Variants in FBN3 observed in about 807,000 individuals in gnomAD.
The protein encoded by FBN3 is fibrillin-3.
A neutral mutation model predicts 330.1 loss-of-function variants in FBN3; 234 were observed. The observed-to-expected ratio is 0.71, with a 90% CI of 0.64 to 0.79. The LOEUF (loss-of-function observed/expected upper bound fraction) is 0.79, where lower values mean the gene tolerates loss of function less well. Ranked by LOEUF, FBN3 falls within the 30% of genes least tolerant of loss-of-function variation. FBN3 has a pLI of 0.00. For synonymous variants in FBN3, 1,458 were observed against 1,517.3 expected, an observed-to-expected ratio of 0.96 and a Z score of 0.91; for missense variants, 3,606 against 3,886.9, an observed-to-expected ratio of 0.93 and a Z score of 1.92.
intron 3 of FBN3, among the ~76,000 whole-genome samples, chr19:8,146,479 G>A (rs911959687): frequency 1.3e-5 from 2 of 152,220 alleles, no homozygotes; most frequent in African/African-American, 4.8e-5. Context: ...TGCTCTTTGG[G>A]CCAGAGCTGC....
Position 8,129,180 on chromosome 19 carries a change from G to T in FBN3, c.2171-27C>A, listed in dbSNP as rs202145437. 2,737 of 1,612,202 alleles carry T rather than the reference G, an allele frequency of 1.7e-3. 7 individuals carry two copies. The highest frequency in any genetic ancestry group is 2.1e-3 in the Non-Finnish European group (2,447 of 1,179,172). ...TGTGGGGTGGGGGTGGGAGAGAGGG[G>T]TGAGGGGTCTGCAGTGGGAGAGGCT... On this transcript the variant is annotated intron_variant, in intron 17 of 63. Coordinates refer to ENST00000600128, the MANE Select transcript of FBN3 (RefSeq NM_032447.5). The surrounding 1 kb of genome is among the most constrained non-coding windows in gnomAD (Gnocchi z 4.5).
chr19:8,114,339 T>C (rs1047897765), intron 30 of FBN3, among the ~76,000 whole-genome samples: 12 of 152,312 alleles, frequency 7.9e-5, no homozygotes, highest in Non-Finnish European at 1.6e-4. Flanking sequence ...AACCTCCGCC[T>C]CCTGGATTCA....
intron 62 of FBN3, 110 bp from the exon 63 acceptor site, chr19:8,072,308 C>G (rs17160134): frequency 1.7e-6 from 2 of 1,170,158 alleles, no homozygotes; most frequent in East Asian, 5.0e-5. Context: ...CAAATGCCCA[C>G]GCACACAAAT....
At chr19:8,116,645 C>T (rs900919860) in intron 29 of FBN3, 29 bp downstream of exon 29, 14 of 1,594,346 alleles carry the variant, frequency 8.8e-6, no homozygotes, top group South Asian at 3.3e-5. Context: ...CTCCTCCACC[C>T]GCCCCGCCCC....
Position 8,121,138 on chromosome 19 carries a change from C to T in FBN3, c.3211+120G>A, listed in dbSNP as rs1022115934. The T allele has an allele frequency of 1.0e-6, 1 of 979,294 alleles. No individual in the cohort carries two copies. Among genetic ancestry groups the T allele is most frequent in the African/African-American group, 1.6e-5 (1 of 60,884 alleles). 60.7% of individuals were successfully genotyped at this position (979,294 alleles called of 1,614,324 possible). ...ACTGTACCTCAGCTAATTTACAGCT[C>T]CTCCCTCCTCCTGCCCCCTCCATCC... On this transcript the variant is annotated intron_variant, in intron 25 of 63. Coordinates refer to ENST00000600128, the MANE Select transcript of FBN3 (RefSeq NM_032447.5). The surrounding 1 kb of genome is among the most constrained non-coding windows in gnomAD (Gnocchi z 4.5).
chr19:8,132,027 C>G (rs996982639), intron 14 of FBN3, among the ~76,000 whole-genome samples, 198 bp from the exon 15 acceptor site: 2 of 152,048 alleles, frequency 1.3e-5, no homozygotes, highest in African/African-American at 4.8e-5. Flanking sequence ...CCCATTATTC[C>G]CCATCTTTCT....
Position 8,109,524 on chromosome 19 carries a change from G to A in FBN3, c.4456+107C>T, listed in dbSNP as rs2082528904. The A allele has an allele frequency of 4.6e-6, 7 of 1,537,978 alleles. No individual in the cohort carries two copies. The Admixed American group carries it at 8.9e-5, about 20-fold the overall frequency. ...AGACCAGCAGATGTCCCGTTTGTCAGGAGCAGGTAGATTTGAACACGTTGA... is the reference window on the plus strand; with the variant it reads ...AGACCAGCAGATGTCCCGTTTGTCAAGAGCAGGTAGATTTGAACACGTTGA... On this transcript the variant is annotated intron_variant, in intron 35 of 63. Coordinates refer to ENST00000600128, the MANE Select transcript of FBN3 (RefSeq NM_032447.5). The surrounding 1 kb of genome is among the most constrained non-coding windows in gnomAD (Gnocchi z 5.2).
chr19:8,069,336 G>C (rs867922237), intron 63 of FBN3, among the ~76,000 whole-genome samples: 1 of 152,274 alleles, frequency 6.6e-6, no homozygotes, highest in Middle Eastern at 3.4e-3. Context: ...GCTACCCCAG[G>C]GCTGGGTGAC....
chr19:8,127,987 C>T (rs918426141), intron 18 of FBN3, among the ~76,000 whole-genome samples: 11 of 151,860 alleles, frequency 7.2e-5, no homozygotes, highest in African/African-American at 2.7e-4. Context: ...GGTGACAGAG[C>T]GAGACTCTGT....
At chr19:8,143,980 A>C in intron 6 of FBN3, among the ~76,000 whole-genome samples, 1 of 151,296 alleles carries the variant, frequency 6.6e-6, no homozygotes, top group East Asian at 1.9e-4. Context: ...CTAATTTTTT[A>C]CTTTTTTTAG....
At chr19:8,106,072 A>G in intron 38 of FBN3, 36 bp downstream of exon 38, 1 of 1,611,186 alleles carries the variant, frequency 6.2e-7, no homozygotes, top group Non-Finnish European at 8.5e-7. Context: ...AGAGAGCGGA[A>G]GAGCCTGACC....
At chr19:8,135,936 G>GGCTCCCCCCCCCC in intron 13 of FBN3, 25 bp downstream of exon 13, 1 of 668,778 alleles carries the variant, frequency 1.5e-6, no homozygotes, top group South Asian at 1.6e-5. Context: ...GGAAGCCCCT[G>GGCTCCCCCCCCCC]CCCACCCGCC....
intron 13 of FBN3, 94 bp downstream of exon 13, chr19:8,135,867 G>C: frequency 7.1e-7 from 1 of 1,399,002 alleles, no homozygotes. Context: ...AGGGAGGGAG[G>C]TGGGTTTGGG....
In FBN3 at chr19:8,141,939, C is replaced by T. The variant is rs905449336; in HGVS notation, c.739+1G>A. 4 of 1,614,054 alleles carry T rather than the reference C, an allele frequency of 2.5e-6. No homozygotes were observed. Among genetic ancestry groups the T allele is most frequent in the Non-Finnish European group, 3.4e-6 (4 of 1,180,008 alleles). ...CACTCAGCCCTGACCCCACTATTCA[C>T]CTTGGCAGGCCCCCGTGTGGATATT... is the stretch of plus-strand genomic sequence containing the variant. On this transcript the variant is annotated splice_donor_variant, in intron 7 of 63. Transcript: ENST00000600128. LOFTEE classifies it high-confidence loss of function.
At chr19:8,108,828 C>A (rs1178449382) in intron 36 of FBN3, among the ~76,000 whole-genome samples, 1 of 152,124 alleles carries the variant, frequency 6.6e-6, no homozygotes, top group Admixed American at 6.5e-5. Context: ...TATGGGTATG[C>A]CTCAAAGAAA....
intron 38 of FBN3, among the ~76,000 whole-genome samples, chr19:8,104,488 A>T (rs63144361): frequency 1.4e-5 from 2 of 145,234 alleles, no homozygotes; most frequent in East Asian, 2.0e-4. Flanking sequence ...AAAAAAAAAA[A>T]TTCCTAAAAA....
At chr19:8,136,158 C>T (rs771314903) in intron 12 of FBN3, 32 bp downstream of exon 12, 1 of 1,613,550 alleles carries the variant, frequency 6.2e-7, no homozygotes, top group East Asian at 2.2e-5. Context: ...CCCCCAACAA[C>T]ATCACCCCTA....
chr19:8,145,842 C>T lies in FBN3; in HGVS notation c.445+1G>A, dbSNP rs143451923. 78 of 1,550,094 alleles carry T rather than the reference C, an allele frequency of 5.0e-5. No homozygotes were observed. The highest frequency in any genetic ancestry group is 1.7e-4 in the Middle Eastern group (1 of 6,010). On this transcript the variant is annotated splice_donor_variant, in intron 5 of 63. Transcript: ENST00000600128. LOFTEE classifies it high-confidence loss of function. ...GAGGGGAGTCCCATGGGGATACTCACGCTGCCCACACACGGTGCCTGTGTA... is the reference window on the plus strand; with the variant it reads ...GAGGGGAGTCCCATGGGGATACTCATGCTGCCCACACACGGTGCCTGTGTA...
chr19:8,123,761 C>A (rs762906800), intron 23 of FBN3, 23 bp downstream of exon 23: 1 of 1,611,486 alleles, frequency 6.2e-7, no homozygotes, highest in South Asian at 1.1e-5. Context: ...CTTCCAGGGG[C>A]CTGACCCCTT....
Sources: gnomAD v4.1 joint callset for allele counts (sites outside exome capture counted in the v4.1 genomes callset) on GRCh38, gnomAD v4.1.1 for gene constraint, Gnocchi (gnomAD v3.1) non-coding constraint, MANE v1.5 for transcripts, NCBI Gene and HGNC (gene_info 2026-07-23, HGNC 2026-07-21) for gene names.